Variants in TBC1D14 observed in about 807,000 individuals in gnomAD.
The protein encoded by TBC1D14 is TBC1 domain family, member 14.
TBC1D14 carries 26 observed loss-of-function variants against 79.0 expected under a neutral mutation model. That is an observed-to-expected ratio of 0.33 (90% CI 0.24 to 0.46). TBC1D14 has a LOEUF of 0.46. Ranked by LOEUF, TBC1D14 falls within the 20% of genes least tolerant of loss-of-function variation. TBC1D14 has a pLI of 1.00. For synonymous variants in TBC1D14, 394 were observed against 349.9 expected (o/e 1.13, Z -1.40); for missense variants, 769 against 887.6 (o/e 0.87, Z 1.70).
intron 2 of TBC1D14, among the ~76,000 whole-genome samples, chr4:6,947,494 T>A (rs2108993233): frequency 1.5e-5 from 1 of 68,464 alleles, no homozygotes; most frequent in Non-Finnish European, 3.5e-5. Flanking sequence ...CAAGACCCTG[T>A]CTCAAAAAAA....
At chr4:7,027,708 CACA>C (rs1377519405) in intron 13 of TBC1D14, among the ~76,000 whole-genome samples, 12 of 123,822 alleles carry the variant, frequency 9.7e-5, no homozygotes, top group African/African-American at 2.8e-4. Context: ...CCACACATCA[CACA>C]ACCACACACA....
At chr4:6,947,597 G>C (rs977470840) in intron 2 of TBC1D14, among the ~76,000 whole-genome samples, 2 of 151,584 alleles carry the variant, frequency 1.3e-5, no homozygotes, top group East Asian at 3.9e-4. Flanking sequence ...GGGAGGCGGA[G>C]GTTGTAGTGA....
At chr4:6,938,231 G>A (rs916036702) in intron 2 of TBC1D14, among the ~76,000 whole-genome samples, 1 of 152,284 alleles carries the variant, frequency 6.6e-6, no homozygotes, top group Admixed American at 6.5e-5. Context: ...CTGACTGTTG[G>A]CTGTGCAGAT....
At chr4:6,953,832 A>T (rs1314269072) in intron 2 of TBC1D14, among the ~76,000 whole-genome samples, 1 of 151,862 alleles carries the variant, frequency 6.6e-6, no homozygotes, top group Non-Finnish European at 1.5e-5. Context: ...CTGCTTCACA[A>T]GGCACAGTGC....
At position 7,032,932 on chromosome 4, in the gene TBC1D14, C is replaced by T. The variant is rs1723194643; in HGVS notation, c.*2540C>T. 1 of 152,602 alleles carries T rather than the reference C, an allele frequency of 6.6e-6. No individual in the cohort carries two copies. Among genetic ancestry groups the T allele is most frequent in the African/African-American group, 2.4e-5 (1 of 41,468 alleles). The allele number at this position is 152,602 out of a possible 1,614,324, so 9.5% of individuals were successfully genotyped here. A position where few individuals can be genotyped will look rare whatever the true frequency, so the allele number is the denominator to read the frequency against. On this transcript the variant is annotated 3_prime_UTR_variant, in exon 14 of 14. Transcript: ENST00000409757. ...ATTCACTTCAGAAGGTACTTTTTAA[C>T]TGCTCAGTTTTTGACTATTTTAAAT...
At chr4:6,933,242 C>T (rs1317727830) in intron 2 of TBC1D14, among the ~76,000 whole-genome samples, 1 of 10,088 alleles carries the variant, frequency 9.9e-5, no homozygotes. Context: ...GAATTACCTC[C>T]CCTCCCCTCC....
chr4:7,025,443 C>G (rs1692615029), intron 13 of TBC1D14, among the ~76,000 whole-genome samples, 181 bp downstream of exon 13: 1 of 150,150 alleles, frequency 6.7e-6, no homozygotes, highest in Non-Finnish European at 1.5e-5. Flanking sequence ...CGGGTCGCCT[C>G]CTCTTTGGGT....
chr4:6,990,746 G>T (rs1171375438), intron 3 of TBC1D14, among the ~76,000 whole-genome samples: 1 of 152,146 alleles, frequency 6.6e-6, no homozygotes, highest in East Asian at 1.9e-4. Flanking sequence ...CGCCACAGTG[G>T]TCTGTACAGT....
At chr4:6,920,143 A>G (rs965006467) in intron 1 of TBC1D14, among the ~76,000 whole-genome samples, 3 of 152,262 alleles carry the variant, frequency 2.0e-5, no homozygotes, top group Middle Eastern at 3.4e-3. Context: ...AAATATTTAT[A>G]TATAGTTGAG....
chr4:6,947,515 A>G (rs1425258458), intron 2 of TBC1D14, among the ~76,000 whole-genome samples: 3 of 149,162 alleles, frequency 2.0e-5, no homozygotes, highest in Non-Finnish European at 4.5e-5. Context: ...AAAAAAAATT[A>G]GCTGCCCCTG....
At chr4:6,968,764 C>A (rs1026585487) in intron 3 of TBC1D14, among the ~76,000 whole-genome samples, 1 of 152,116 alleles carries the variant, frequency 6.6e-6, no homozygotes, top group African/African-American at 2.4e-5. Flanking sequence ...TGCCTCCAAC[C>A]CCAAGGCTTT....
In TBC1D14 at chr4:6,923,785, G is replaced by T; in HGVS notation, c.396G>T (p.Arg132Ser). 1 of 1,614,098 alleles carries T rather than the reference G, an allele frequency of 6.2e-7. No individual in the cohort carries two copies. Among genetic ancestry groups the T allele is most frequent in the Non-Finnish European group, 8.5e-7 (1 of 1,180,044 alleles). Residue 132 changes from arginine to serine, a missense_variant, in exon 2 of 14, where the codon AGG becomes AGT. Arg to Ser is a moderately radical substitution (Grantham distance 110). Around this residue, in one of 2 missense-constraint regions of TBC1D14, gnomAD observed 402 missense variants for 393.2 expected, o/e 1.02. Transcript: ENST00000409757. ...QSVRKSSTFP[R>S]TGYDSVKLYS... ...TGCGCAAATCCTCCACGTTTCCCAG[G>T]ACAGGCTATGACTCGGTAAAGCTCT... is the stretch of plus-strand genomic sequence containing the variant.
At chr4:6,943,377 C>T (rs924850654) in intron 2 of TBC1D14, among the ~76,000 whole-genome samples, 10 of 152,184 alleles carry the variant, frequency 6.6e-5, no homozygotes, top group African/African-American at 2.2e-4. Context: ...TGCCTGAAAC[C>T]GATTAGTTGA....
At chr4:6,963,179 A>T (rs994763311) in intron 2 of TBC1D14, among the ~76,000 whole-genome samples, 5 of 152,236 alleles carry the variant, frequency 3.3e-5, no homozygotes, top group South Asian at 2.1e-4. Context: ...AGGACTTCCC[A>T]TGTCGGGGGT....
chr4:7,020,925 C>CT (rs1721766336), intron 12 of TBC1D14, among the ~76,000 whole-genome samples: 1 of 152,194 alleles, frequency 6.6e-6, no homozygotes, highest in African/African-American at 2.4e-5. Context: ...TGTACCTCCT[C>CT]TTGGGGTTGT....
intron 1 of TBC1D14, among the ~76,000 whole-genome samples, chr4:6,911,181 C>G (rs756325712): frequency 1.3e-5 from 2 of 152,196 alleles, no homozygotes; most frequent in East Asian, 3.9e-4. Context: ...AACCCTCTTA[C>G]TGCTTCTTTG....
chr4:6,924,497 C>T (rs1724126024), intron 2 of TBC1D14, among the ~76,000 whole-genome samples: 1 of 152,186 alleles, frequency 6.6e-6, no homozygotes, highest in Non-Finnish European at 1.5e-5. Flanking sequence ...ACTCTCATTT[C>T]TACTGCCAGC....
chr4:7,021,454 C>T (rs541743206), intron 12 of TBC1D14, among the ~76,000 whole-genome samples: 12 of 151,924 alleles, frequency 7.9e-5, no homozygotes, highest in African/African-American at 1.4e-4. Flanking sequence ...AAAAATTAGC[C>T]GGTGTGGTGG....
At chr4:7,007,693 C>T (rs1720341529) in intron 9 of TBC1D14, 2 of 1,012,366 alleles carry the variant, frequency 2.0e-6, no homozygotes, top group Non-Finnish European at 2.7e-6. Context: ...AGCCTGTTTC[C>T]TGGAACCCTG....
Sources: allele counts gnomAD v4.1 joint callset (sites outside exome capture counted in the v4.1 genomes callset), GRCh38; gene constraint gnomAD v4.1.1; regional missense constraint gnomAD v4.1.1; transcripts MANE v1.5; gene names NCBI Gene and HGNC (gene_info 2026-07-23, HGNC 2026-07-21).